Variants in CDC73 observed in about 807,000 individuals in gnomAD.
The protein encoded by CDC73 is cell division cycle 73, also known as parafibromin.
In CDC73, 21 loss-of-function variants were observed where a neutral mutation model predicts 83.7. That is an observed-to-expected ratio of 0.25 (90% CI 0.18 to 0.36). CDC73 has a LOEUF of 0.36. Ranked by LOEUF, CDC73 falls within the 10% of genes least tolerant of loss-of-function variation. CDC73 has a pLI of 1.00. For missense variants in CDC73, 342 were observed against 653.3 expected, an observed-to-expected ratio of 0.52 and a Z score of 5.19; for synonymous variants, 224 against 212.9, an observed-to-expected ratio of 1.05 and a Z score of -0.45.
At chr1:193,192,800 C>T (rs1383368051) in intron 10 of CDC73, among the ~76,000 whole-genome samples, 1 of 152,214 alleles carries the variant, frequency 6.6e-6, no homozygotes, top group Non-Finnish European at 1.5e-5. Flanking sequence ...GGCATTGAGT[C>T]AACACGTGTG....
chr1:193,160,772 T>C (rs1464833005), intron 10 of CDC73, among the ~76,000 whole-genome samples: 1 of 152,192 alleles, frequency 6.6e-6, no homozygotes, highest in Non-Finnish European at 1.5e-5. Flanking sequence ...CTTTTAACTT[T>C]ATGACAGATG....
At chr1:193,180,494 G>T (rs1478218728) in intron 10 of CDC73, 2 of 1,613,850 alleles carry the variant, frequency 1.2e-6, no homozygotes, top group African/African-American at 2.7e-5. Flanking sequence ...TTGGGAGGGG[G>T]TACAGGATCA....
intron 10 of CDC73, among the ~76,000 whole-genome samples, chr1:193,174,933 A>T (rs923217880): frequency 2.0e-5 from 3 of 152,212 alleles, no homozygotes; most frequent in Non-Finnish European, 4.4e-5. Context: ...AAAGAGTGAG[A>T]CTGTTTCATT....
In CDC73 at chr1:193,150,506, CA is replaced by C. The variant is rs1676086230; in HGVS notation, c.907+126del. On this transcript the variant is annotated intron_variant, in intron 9 of 16. Transcript: ENST00000367435. ...TCTACAGACCAGATCTTACCCACTGCAATTTTTCTTAAATAACATTTTGTTG... is the reference window on the plus strand; with the variant it reads ...TCTACAGACCAGATCTTACCCACTGCATTTTTCTTAAATAACATTTTGTTG... 5 of 695,160 alleles carry C rather than the reference CA, an allele frequency of 7.2e-6. No individual in the cohort carries two copies. In the Admixed American group the frequency reaches 1.2e-4, roughly 16 times the overall value. The allele number at this position is 695,160 out of a possible 1,614,324, so 43.1% of individuals were successfully genotyped here. A position where few individuals can be genotyped will look rare whatever the true frequency, so the allele number is the denominator to read the frequency against.
At chr1:193,134,033 C>G (rs943770307) in intron 3 of CDC73, among the ~76,000 whole-genome samples, 4 of 151,692 alleles carry the variant, frequency 2.6e-5, no homozygotes, top group South Asian at 2.1e-4. Flanking sequence ...ACCCCTACAC[C>G]CCCATTGAAG....
intron 13 of CDC73, among the ~76,000 whole-genome samples, chr1:193,225,788 A>G (rs1246892023): frequency 1.3e-5 from 2 of 151,972 alleles, no homozygotes; most frequent in Non-Finnish European, 2.9e-5. Flanking sequence ...AGTTTGAGGT[A>G]GATTCTGGAT....
intron 10 of CDC73, among the ~76,000 whole-genome samples, chr1:193,175,756 G>T (rs1249825145): frequency 6.6e-6 from 1 of 152,142 alleles, no homozygotes; most frequent in African/African-American, 2.4e-5. Flanking sequence ...TTATAAAAGG[G>T]ACTTGAGCAT....
chr1:193,205,199 C>CG (rs1342515776), intron 11 of CDC73, among the ~76,000 whole-genome samples: 4 of 109,382 alleles, frequency 3.7e-5, no homozygotes, highest in Non-Finnish European at 5.5e-5. Context: ...CACCTGTCCC[C>CG]CCCCCCCCCT....
Position 193,122,222 on chromosome 1 carries a change from C to T in CDC73, c.22C>T (p.Leu8=), listed in dbSNP as rs1366872937. The T allele has an allele frequency of 1.9e-6, 3 of 1,614,208 alleles. No individual in the cohort carries two copies. Among genetic ancestry groups the T allele is most frequent in the African/African-American group, 1.3e-5 (1 of 75,066 alleles). The change falls in exon 1 of 17, where the codon CTG becomes TTG. Residue 8 remains leucine (L), a synonymous_variant. Transcript: ENST00000367435. The stretch of plus-strand genomic sequence containing the variant: ...GAAGATGGCGGACGTGCTTAGCGTC[C>T]TGCGACAGTACAACATCCAGAAGAA... MADVLSV[L]RQYNIQKKEI... is the part of the protein sequence containing the mutation.
chr1:193,204,277 G>GTT (rs1484763023), intron 11 of CDC73, among the ~76,000 whole-genome samples: 1 of 131,234 alleles, frequency 7.6e-6, no homozygotes, highest in African/African-American at 2.9e-5. Context: ...GTGTGTGTGT[G>GTT]TATATATATA....
chr1:193,252,342 G>C lies in CDC73; in HGVS notation c.*1630G>C. 4.3e-6 allele frequency: 1 copy of C among 229,960 alleles called. No individual in the cohort carries two copies. The highest frequency in any genetic ancestry group is 8.6e-6 in the Non-Finnish European group (1 of 116,022). 14.2% of individuals were successfully genotyped at this position (229,960 alleles called of 1,614,324 possible). ...ATATTTCCAAAATAAATTACATGTT[G>C]TGTAAACTTTCTCCATGATGAAATA... On this transcript the variant is annotated 3_prime_UTR_variant, in exon 17 of 17. Transcript: ENST00000367435.
At chr1:193,159,251 A>G (rs934086833) in intron 10 of CDC73, among the ~76,000 whole-genome samples, 1 of 152,206 alleles carries the variant, frequency 6.6e-6, no homozygotes, top group African/African-American at 2.4e-5. Context: ...ATTAAGCTTC[A>G]GTTTTCTCAT....
intron 10 of CDC73, among the ~76,000 whole-genome samples, chr1:193,183,348 T>C (rs1676751229): frequency 1.2e-5 from 1 of 83,468 alleles, no homozygotes; most frequent in African/African-American, 3.7e-5. Flanking sequence ...ATTTCTAAAA[T>C]GTAAAAAAAT....
At chr1:193,130,941 G>A (rs1459698144) in intron 3 of CDC73, among the ~76,000 whole-genome samples, 3 of 151,896 alleles carry the variant, frequency 2.0e-5, no homozygotes, top group African/African-American at 4.8e-5. Context: ...GGTTACTTCT[G>A]TACCTGACCT....
intron 3 of CDC73, among the ~76,000 whole-genome samples, chr1:193,133,781 A>AAAAGACC (rs1675737251): frequency 6.6e-6 from 1 of 152,244 alleles, no homozygotes; most frequent in Non-Finnish European, 1.5e-5. Flanking sequence ...CTGGAACTTT[A>AAAAGACC]TGCATAAAAG....
At chr1:193,173,517 C>G (rs985650720) in intron 10 of CDC73, among the ~76,000 whole-genome samples, 1 of 152,110 alleles carries the variant, frequency 6.6e-6, no homozygotes, top group African/African-American at 2.4e-5. Context: ...TGATGTAATC[C>G]TAACACACAG....
intron 15 of CDC73, among the ~76,000 whole-genome samples, chr1:193,239,436 G>A (rs1677819646): frequency 1.3e-5 from 2 of 151,960 alleles, no homozygotes; most frequent in Non-Finnish European, 1.5e-5. Flanking sequence ...TGTTAATGTT[G>A]CATAATTATA....
chr1:193,150,453 T>C, intron 9 of CDC73, 71 bp downstream of exon 9: 2 of 1,097,712 alleles, frequency 1.8e-6, no homozygotes, highest in Non-Finnish European at 2.8e-6. Context: ...TGGCCTGATG[T>C]TTAAGGGTAA....
chr1:193,144,332 A>T (rs1435181843), intron 7 of CDC73, among the ~76,000 whole-genome samples: 1 of 152,112 alleles, frequency 6.6e-6, no homozygotes, highest in Admixed American at 6.6e-5. Context: ...AAAGGAGATC[A>T]CTAGAAGGAA....
Sources: allele counts gnomAD v4.1 joint callset (sites outside exome capture counted in the v4.1 genomes callset), GRCh38; gene constraint gnomAD v4.1.1; transcripts MANE v1.5; gene names NCBI Gene and HGNC (gene_info 2026-07-23, HGNC 2026-07-21).